Variants in MGST2 observed in about 807,000 individuals in gnomAD.
MGST2 encodes the protein microsomal glutathione S-transferase 2.
A neutral mutation model predicts 16.6 loss-of-function variants in MGST2; 9 were observed. That is an observed-to-expected ratio of 0.54 (90% confidence interval 0.33 to 0.95). The LOEUF is 0.95. MGST2 is among the 40% of genes least tolerant of loss of function. The pLI, the probability that MGST2 is intolerant of heterozygous loss-of-function variation, is 0.03. For missense variants in MGST2, 159 were observed against 175.1 expected (o/e 0.91, Z 0.52); for synonymous variants, 79 against 68.0 (o/e 1.16, Z -0.79).
chr4:139,667,642 G>C (rs992666558), intron 1 of MGST2, among the ~76,000 whole-genome samples: 1 of 152,070 alleles, frequency 6.6e-6, no homozygotes, highest in Non-Finnish European at 1.5e-5. Flanking sequence ...GGTGGATCAC[G>C]AGGTCAAGAG....
intron 5 of MGST2, among the ~76,000 whole-genome samples, chr4:139,732,573 G>C (rs1372869782): frequency 3.1e-5 from 1 of 32,524 alleles, no homozygotes; most frequent in Non-Finnish European, 6.3e-5. Context: ...GAACTAGAAC[G>C]CTATTTTTTT....
chr4:139,713,496 AAG>A (rs1727818109), intron 5 of MGST2, among the ~76,000 whole-genome samples: 1 of 151,344 alleles, frequency 6.6e-6, no homozygotes, highest in African/African-American at 2.4e-5. Flanking sequence ...AAAAAAAAAA[AAG>A]GAGAAAAATA....
At chr4:139,710,482 G>A (rs1364497432) in intron 5 of MGST2, among the ~76,000 whole-genome samples, 1 of 152,124 alleles carries the variant, frequency 6.6e-6, no homozygotes, top group Middle Eastern at 3.2e-3. Flanking sequence ...TTGGAACTAG[G>A]AGTAATCAAC....
intron 1 of MGST2, among the ~76,000 whole-genome samples, chr4:139,669,190 AGAG>A (rs757878610): frequency 7.2e-5 from 11 of 152,118 alleles, no homozygotes; most frequent in Admixed American, 3.3e-4. Context: ...CCCTTGGCTG[AGAG>A]GAGGACTCCA....
downstream of MGST2, among the ~76,000 whole-genome samples, chr4:139,706,683 T>TACACACACACACACACAC: frequency 6.6e-6 from 1 of 150,542 alleles, no homozygotes; most frequent in Admixed American, 6.6e-5. Flanking sequence ...AACACACACA[T>TACACACACACACACACAC]ACACACACAC....
chr4:139,702,492 T>C (rs1181692544), intron 3 of MGST2, among the ~76,000 whole-genome samples: 1 of 152,180 alleles, frequency 6.6e-6, no homozygotes, highest in Non-Finnish European at 1.5e-5. Context: ...TAGATCTGTT[T>C]TTTTTCATTG....
intron 2 of MGST2, among the ~76,000 whole-genome samples, chr4:139,679,681 G>A (rs886267794): frequency 6.6e-6 from 1 of 152,156 alleles, no homozygotes; most frequent in Non-Finnish European, 1.5e-5. Context: ...TTGCTCCAAG[G>A]AGGGTTTTAC....
downstream of MGST2, among the ~76,000 whole-genome samples, chr4:139,705,074 G>A (rs774137486): frequency 2.0e-5 from 3 of 152,234 alleles, no homozygotes; most frequent in South Asian, 2.1e-4. Context: ...AAAAAGAGAC[G>A]GTCTTGCTGT....
At chr4:139,713,827 G>C (rs1317662319) in intron 5 of MGST2, among the ~76,000 whole-genome samples, 1 of 152,200 alleles carries the variant, frequency 6.6e-6, no homozygotes, top group African/African-American at 2.4e-5. Flanking sequence ...AACCAGAAAT[G>C]GTAGGCGGGG....
chr4:139,719,554 G>A, intron 5 of MGST2: 1 of 1,613,698 alleles, frequency 6.2e-7, no homozygotes, highest in East Asian at 2.2e-5. Flanking sequence ...CTGGGGGCTG[G>A]CTGAACGCTG....
At chr4:139,717,634 C>T (rs1728036309) in intron 5 of MGST2, 2 of 152,714 alleles carry the variant, frequency 1.3e-5, no homozygotes, top group Non-Finnish European at 2.9e-5. Context: ...CCTCTGCCCC[C>T]AGCTTTCCAT....
chr4:139,732,047 G>A (rs1728747736), intron 5 of MGST2, among the ~76,000 whole-genome samples: 1 of 152,144 alleles, frequency 6.6e-6, no homozygotes, highest in Non-Finnish European at 1.5e-5. Flanking sequence ...GATTAAATGG[G>A]CACACATATA....
intron 1 of MGST2, among the ~76,000 whole-genome samples, chr4:139,670,708 T>C (rs1160525714): frequency 6.6e-6 from 1 of 151,290 alleles, no homozygotes; most frequent in Non-Finnish European, 1.5e-5. Flanking sequence ...AGCCCAGGAG[T>C]TCAAGACCAG....
chr4:139,735,107 C>G lies in MGST2; in HGVS notation c.*49-5105C>G, dbSNP rs541895298. Among the ~76,000 whole-genome samples the G allele has an allele frequency of 1.3e-3, 204 of 152,304 alleles. No homozygotes were observed. The highest frequency in any genetic ancestry group is 4.7e-3 in the African/African-American group (195 of 41,576). On this transcript the variant is annotated intron_variant, in intron 5 of 5. Transcript: ENST00000616265. This position sits in a 1 kb window ranked among gnomAD's most constrained non-coding sequence, Gnocchi z 5.8. Reference sequence around the variant, plus strand: ...GCCCCGCGCGTCTGGGCGAGCGCTGCGAACGTGGAGCCAGGCAGTCAAGTG... The same window carrying G: ...GCCCCGCGCGTCTGGGCGAGCGCTGGGAACGTGGAGCCAGGCAGTCAAGTG...
intron 2 of MGST2, among the ~76,000 whole-genome samples, chr4:139,686,847 C>T (rs1010376171): frequency 6.6e-6 from 1 of 152,146 alleles, no homozygotes; most frequent in African/African-American, 2.4e-5. Flanking sequence ...GAGGAAATTC[C>T]GGATCTTCCC....
chr4:139,751,224 C>T, the MGST2 span, among the ~76,000 whole-genome samples: 1 of 152,186 alleles, frequency 6.6e-6, no homozygotes, highest in Admixed American at 6.5e-5. Flanking sequence ...TAGGAGACTA[C>T]TATGATACTT....
intron 5 of MGST2, chr4:139,719,461 T>A (rs1338322626): frequency 6.2e-7 from 1 of 1,614,034 alleles, no homozygotes; most frequent in South Asian, 1.1e-5. Context: ...TGTAATTGTA[T>A]GACACGTCCT....
intron 1 of MGST2, among the ~76,000 whole-genome samples, chr4:139,674,263 G>A (rs572140621): frequency 1.3e-5 from 2 of 152,268 alleles, no homozygotes; most frequent in South Asian, 4.1e-4. Context: ...GGTTCAGTCC[G>A]GAAAGGCGAG....
chr4:139,712,418 C>A (rs1727778890), intron 5 of MGST2, among the ~76,000 whole-genome samples: 1 of 152,174 alleles, frequency 6.6e-6, no homozygotes, highest in African/African-American at 2.4e-5. Flanking sequence ...GTTCTCGCTC[C>A]AGTTTCCCAT....
Sources: allele counts gnomAD v4.1 joint callset (sites outside exome capture counted in the v4.1 genomes callset), GRCh38; gene constraint gnomAD v4.1.1; non-coding constraint Gnocchi (gnomAD v3.1); transcripts MANE v1.5; gene names NCBI Gene and HGNC (gene_info 2026-07-23, HGNC 2026-07-21).